The following KCTD19 variants were observed in gnomAD, a reference collection of about 807,000 sequenced individuals.
KCTD19 encodes potassium channel tetramerization domain containing 19.
KCTD19 carries 67 observed loss-of-function variants against 103.5 expected under a neutral mutation model. The observed-to-expected ratio is 0.65, with a 90% CI of 0.53 to 0.79. The LOEUF is 0.79. KCTD19 is among the 30% of genes least tolerant of loss of function. The pLI, the probability that KCTD19 is intolerant of heterozygous loss-of-function variation, is 0.00. For missense variants in KCTD19, 980 were observed against 1,136.1 expected, an observed-to-expected ratio of 0.86 and a Z score of 1.98; for synonymous variants, 439 against 452.2, an observed-to-expected ratio of 0.97 and a Z score of 0.37.
intron 7 of KCTD19, 123 bp downstream of exon 7, chr16:67,297,380 T>G: frequency 2.0e-6 from 2 of 984,892 alleles, no homozygotes; most frequent in African/African-American, 1.6e-5. Flanking sequence ...ATCCAAAATA[T>G]TGGCCTGGCT....
Position 67,323,945 on chromosome 16 carries a change from TC to T in KCTD19, c.3+2759del, listed in dbSNP as rs1219553418. ...ATTCCATGGAGCGCATGCAGAACTC[TC>T]TTGGGATCTTACCTGCAGAGACATT... On this transcript the variant is annotated intron_variant, in intron 1 of 15. Coordinates refer to ENST00000304372, the MANE Select transcript of KCTD19 (RefSeq NM_001100915.3). This position sits in a 1 kb window ranked among gnomAD's most constrained non-coding sequence, Gnocchi z 4.1. Among the ~76,000 whole-genome samples, 1 of 151,812 alleles carries T rather than the reference TC, an allele frequency of 6.6e-6. No homozygotes were observed. The highest frequency in any genetic ancestry group is 1.5e-5 in the Non-Finnish European group (1 of 67,988).
At position 67,304,469 on chromosome 16, in the gene KCTD19, A is replaced by G. The variant is rs1033310886; in HGVS notation, c.403T>C (p.Cys135Arg). Reference protein sequence around the residue: ...ASLNYWRTWKCISKPSEFPIK... With the variant: ...ASLNYWRTWKRISKPSEFPIK... ...GGAAATTCTGAGGGTTTGCTAATAC[A>G]CTTCCATGTACGCCAGTAGTTCAGA... The change falls in exon 3 of 16, where the codon TGT (cysteine) becomes CGT (arginine). Residue 135 changes from cysteine (C) to arginine (R), a missense_variant. Cys to Arg is a radical substitution (Grantham distance 180, BLOSUM62 -3). Transcript: ENST00000304372. 6.2e-7 allele frequency: 1 copy of G among 1,614,086 alleles called. No homozygotes were observed. The highest frequency in any genetic ancestry group is 8.5e-7 in the Non-Finnish European group (1 of 1,179,958).
intron 9 of KCTD19, 102 bp downstream of exon 9, chr16:67,295,161 A>G: frequency 6.4e-6 from 10 of 1,570,094 alleles, no homozygotes; most frequent in Non-Finnish European, 8.7e-6. Flanking sequence ...CGATGGAAAT[A>G]AAATAACCTC....
intron 15 of KCTD19, among the ~76,000 whole-genome samples, chr16:67,290,582 C>T (rs2036674580): frequency 6.6e-6 from 1 of 152,188 alleles, no homozygotes; most frequent in South Asian, 2.1e-4. Context: ...GGCCTCACTC[C>T]CATATGAGTC....
chr16:67,314,828 TATAGAG>T (rs1299451192), intron 2 of KCTD19, among the ~76,000 whole-genome samples: 15 of 50,360 alleles, frequency 3.0e-4, no homozygotes, highest in East Asian at 6.9e-4. Context: ...TATATATATA[TATAGAG>T]AGAGAGAGAG....
chr16:67,308,618 CCCATTCTCTTCCTGAAGAG>C (rs773635475), intron 2 of KCTD19, among the ~76,000 whole-genome samples: 26 of 152,136 alleles, frequency 1.7e-4, no homozygotes, highest in Non-Finnish European at 2.8e-4. Context: ...AATACTCCTC[CCCATTCTCTTCCTGAAGAG>C]CCTGGAGCCT....
intron 6 of KCTD19, among the ~76,000 whole-genome samples, chr16:67,298,434 C>T (rs1252630905): frequency 6.6e-6 from 1 of 152,184 alleles, no homozygotes; most frequent in Non-Finnish European, 1.5e-5. Flanking sequence ...GGCCGTGTTT[C>T]CGGTTCCAGG....
chr16:67,308,843 G>A (rs944149660), intron 2 of KCTD19, among the ~76,000 whole-genome samples: 1 of 152,132 alleles, frequency 6.6e-6, no homozygotes, highest in African/African-American at 2.4e-5. Context: ...GCATGAAAAT[G>A]GAGGGCTAGC....
Position 67,323,661 on chromosome 16 carries a change from C to A in KCTD19, c.4-2776G>T, listed in dbSNP as rs1438386144. Among the ~76,000 whole-genome samples, 1 of 152,112 alleles carries A rather than the reference C, an allele frequency of 6.6e-6. No homozygotes were observed. The highest frequency in any genetic ancestry group is 2.4e-5 in the African/African-American group (1 of 41,426). ...ATCCACATGCAATGTGTGGACAAGG[C>A]AAATTTCTAGAGATAGAAAATAGAT... On this transcript the variant is annotated intron_variant, in intron 1 of 15. Transcript: ENST00000304372. This position sits in a 1 kb window ranked among gnomAD's most constrained non-coding sequence, Gnocchi z 4.1.
At chr16:67,317,371 TG>T (rs1258597450) in intron 2 of KCTD19, among the ~76,000 whole-genome samples, 1 of 151,626 alleles carries the variant, frequency 6.6e-6, no homozygotes, top group Non-Finnish European at 1.5e-5. Flanking sequence ...CCTAGCTACT[TG>T]GGAGGCTGAG....
Position 67,323,466 on chromosome 16 carries a change from T to C in KCTD19, c.4-2581A>G, listed in dbSNP as rs1019201955. On this transcript the variant is annotated intron_variant, in intron 1 of 15. Coordinates refer to ENST00000304372, the MANE Select transcript of KCTD19 (RefSeq NM_001100915.3). The surrounding 1 kb of genome is among the most constrained non-coding windows in gnomAD (Gnocchi z 4.1). ...TGAGCCCAGGAGTTTGAGGCTGCAGTGAGCTGTGATCGTGCCATTGCACTC... is the reference window on the plus strand; with the variant it reads ...TGAGCCCAGGAGTTTGAGGCTGCAGCGAGCTGTGATCGTGCCATTGCACTC... 6.6e-6 allele frequency among the ~76,000 whole-genome samples: 1 copy of C among 152,138 alleles called. No individual in the cohort carries two copies. Among genetic ancestry groups the C allele is most frequent in the South Asian group, 2.1e-4 (1 of 4,818 alleles).
At chr16:67,305,722 G>A (rs2036885427) in intron 2 of KCTD19, 3 of 382,132 alleles carry the variant, frequency 7.9e-6, no homozygotes, top group South Asian at 5.7e-5. Context: ...ATATAGCAGG[G>A]CAAGTGGTAC....
chr16:67,299,243 A>T, intron 6 of KCTD19, 120 bp downstream of exon 6: 2 of 889,056 alleles, frequency 2.2e-6, no homozygotes, highest in South Asian at 1.5e-5. Flanking sequence ...GGCTAAAATG[A>T]TGGGCTGGCC....
intron 2 of KCTD19, among the ~76,000 whole-genome samples, chr16:67,306,801 A>G (rs1166097322): frequency 6.6e-6 from 1 of 152,232 alleles, no homozygotes; most frequent in African/African-American, 2.4e-5. Flanking sequence ...CTTTGAACTC[A>G]GCATATCTGG....
At chr16:67,308,515 A>C (rs1257738466) in intron 2 of KCTD19, among the ~76,000 whole-genome samples, 1 of 151,796 alleles carries the variant, frequency 6.6e-6, no homozygotes, top group Non-Finnish European at 1.5e-5. Flanking sequence ...TTTACACCCC[A>C]TCATCAGTGA....
rs1252742598 is a variant in KCTD19 at position 67,291,804 on chromosome 16, G to T, written c.2252C>A (p.Ala751Asp). ...AACCCCTAGGCTGTCCACCTCACTG[G>T]CCTCGGGCAGAGGCTGCTCAGGGGC... Reference protein sequence around the residue: ...SPAPEQPLPEASEVDSLGVIL... With the variant: ...SPAPEQPLPEDSEVDSLGVIL... Residue 751 changes from alanine (A) to aspartate (D), a missense_variant, in exon 13 of 16, where the codon GCC becomes GAC. Transcript: ENST00000304372. 6 of 1,612,952 alleles carry T rather than the reference G, an allele frequency of 3.7e-6. No individual in the cohort carries two copies. The highest frequency in any genetic ancestry group is 5.1e-6 in the Non-Finnish European group (6 of 1,179,248).
chr16:67,311,719 CTG>C (rs138127426), intron 2 of KCTD19, among the ~76,000 whole-genome samples: 1 of 150,060 alleles, frequency 6.7e-6, no homozygotes, highest in Non-Finnish European at 1.5e-5. Flanking sequence ...GTGTGTGTGC[CTG>C]TGTGTGTGTG....
chr16:67,314,865 AGAGAGAGAGG>A lies in KCTD19; in HGVS notation c.300+5714_300+5723del, dbSNP rs1483389670. ...GAGAGAGAGAGAGAGAGAGAGAGAGAGAGAGAGAGGGGAAGGGTCTTGCTTTGTCACCCAG... is the reference window on the plus strand; with the variant it reads ...GAGAGAGAGAGAGAGAGAGAGAGAGAGGAAGGGTCTTGCTTTGTCACCCAG... On this transcript the variant is annotated intron_variant, in intron 2 of 15. Coordinates refer to ENST00000304372, the MANE Select transcript of KCTD19 (RefSeq NM_001100915.3). Among the ~76,000 whole-genome samples, 131 of 144,736 alleles carry A rather than the reference AGAGAGAGAGG, an allele frequency of 9.1e-4. 2 individuals carry two copies. The highest frequency in any genetic ancestry group is 1.6e-3 in the African/African-American group (58 of 37,276). The allele number at this position is 144,736 out of a possible 152,430, so 95.0% of individuals were successfully genotyped here.
chr16:67,322,777 C>T (rs1303884199), intron 1 of KCTD19, among the ~76,000 whole-genome samples: 1 of 152,132 alleles, frequency 6.6e-6, no homozygotes, highest in African/African-American at 2.4e-5. Flanking sequence ...AAAGATAACT[C>T]ACAGAATGGA....
Sources: gnomAD v4.1 joint callset for allele counts (sites outside exome capture counted in the v4.1 genomes callset) on GRCh38, gnomAD v4.1.1 for gene constraint, Gnocchi (gnomAD v3.1) non-coding constraint, MANE v1.5 for transcripts, NCBI Gene and HGNC (gene_info 2026-07-23, HGNC 2026-07-21) for gene names.